SEC22C: variants seen among roughly 807,000 people sequenced by gnomAD.
SEC22C encodes the protein SEC22 homolog C, vesicle trafficking protein, also known as vesicle-trafficking protein SEC22c.
Under a neutral mutation model 34.7 loss-of-function variants are expected in SEC22C, and 29 were observed. The observed-to-expected ratio is 0.84, with a 90% CI of 0.62 to 1.14. The LOEUF is 1.14. Among genes scored for constraint, SEC22C ranks in the 50% most tolerant of loss-of-function variants. The pLI is 0.00. For missense variants in SEC22C, 337 were observed against 369.0 expected, an observed-to-expected ratio of 0.91 and a Z score of 0.71; for synonymous variants, 117 against 132.8, an observed-to-expected ratio of 0.88 and a Z score of 0.82.
At chr3:42,587,019 C>G (rs1704635387), upstream of SEC22C, among the ~76,000 whole-genome samples, 3 of 152,194 alleles carry the variant, frequency 2.0e-5, no homozygotes, top group Non-Finnish European at 4.4e-5. Flanking sequence ...CACTTGATCA[C>G]TAAGGCCTGC....
chr3:42,584,983 G>A (rs532854277), upstream of SEC22C, among the ~76,000 whole-genome samples: 1 of 152,100 alleles, frequency 6.6e-6, no homozygotes, highest in African/African-American at 2.4e-5. Context: ...ACAAAAATTA[G>A]CCGGGCGTGA....
At chr3:42,565,634 A>G in intron 2 of SEC22C, 1 of 254,542 alleles carries the variant, frequency 3.9e-6, no homozygotes, top group Non-Finnish European at 7.7e-6. Flanking sequence ...GAAGAAGACC[A>G]TGCAACCATG....
Position 42,548,502 on chromosome 3 carries a change from G to A in SEC22C, c.*4746C>T, listed in dbSNP as rs375855603. On this transcript the variant is annotated 3_prime_UTR_variant, in exon 7 of 7. Coordinates refer to ENST00000264454, the MANE Select transcript of SEC22C (RefSeq NM_032970.4). ...AGCCATTCCCAGATTTCACTGACAT[G>A]CCCTTTTCCACAGGCTCCCTGCTGA... 3.9e-5 allele frequency: 47 copies of A among 1,191,898 alleles called. No individual in the cohort carries two copies. The East Asian group carries it at 1.1e-3, about 28-fold the overall frequency. 73.8% of individuals were successfully genotyped at this position (1,191,898 alleles called of 1,614,324 possible).
chr3:42,600,178 G>C (rs948358976), intron 1 of SEC22C, among the ~76,000 whole-genome samples: 6 of 152,134 alleles, frequency 3.9e-5, no homozygotes, highest in Admixed American at 2.0e-4. Flanking sequence ...GTAAGCACAG[G>C]ACAAAAACGG....
intron 1 of SEC22C, among the ~76,000 whole-genome samples, chr3:42,577,054 G>A (rs1009860654): frequency 1.3e-5 from 2 of 151,888 alleles, no homozygotes; most frequent in African/African-American, 2.4e-5. Context: ...AAATAGTGCC[G>A]GGAGTAAAAA....
intron 1 of SEC22C, among the ~76,000 whole-genome samples, chr3:42,572,950 G>A (rs1417516764): frequency 2.0e-5 from 3 of 152,084 alleles, no homozygotes; most frequent in East Asian, 3.9e-4. Flanking sequence ...CTGCAGCCTC[G>A]ATCTCCAGGG....
At chr3:42,560,785 C>T (rs543288259) in intron 4 of SEC22C, among the ~76,000 whole-genome samples, 1 of 152,062 alleles carries the variant, frequency 6.6e-6, no homozygotes, top group African/African-American at 2.4e-5. Flanking sequence ...ACTACAGGCA[C>T]GAGCCACCAC....
At chr3:42,601,061 C>T in exon 1 of SEC22C, 2 of 1,573,214 alleles carry the variant, frequency 1.3e-6, no homozygotes, top group Admixed American at 1.8e-5. Flanking sequence ...CAACCGGGAG[C>T]CGGGTGAGCT....
intron 1 of SEC22C, chr3:42,581,364 A>T (rs1704331628): frequency 6.6e-6 from 1 of 152,216 alleles, no homozygotes; most frequent in South Asian, 2.1e-4. Context: ...ACATGTGTAA[A>T]TCTGTAATGA....
chr3:42,574,211 TAAAAG>T (rs1484026150), intron 1 of SEC22C, among the ~76,000 whole-genome samples: 1 of 151,758 alleles, frequency 6.6e-6, no homozygotes, highest in Non-Finnish European at 1.5e-5. Flanking sequence ...TTTCAAATAC[TAAAAG>T]AAAAGAACTG....
intron 1 of SEC22C, among the ~76,000 whole-genome samples, chr3:42,569,803 G>A (rs989571311): frequency 3.9e-5 from 6 of 152,114 alleles, no homozygotes; most frequent in African/African-American, 7.2e-5. Context: ...CTGAACCCTC[G>A]TGGTGCCTTG....
At chr3:42,588,497 C>CA (rs1217957994) in intron 1 of SEC22C, among the ~76,000 whole-genome samples, 2 of 152,100 alleles carry the variant, frequency 1.3e-5, no homozygotes, top group Admixed American at 6.6e-5. Context: ...AACATAAAGC[C>CA]TACAGGTAAG....
intron 1 of SEC22C, among the ~76,000 whole-genome samples, chr3:42,597,231 A>T (rs1249310446): frequency 6.6e-6 from 1 of 152,160 alleles, no homozygotes; most frequent in Non-Finnish European, 1.5e-5. Flanking sequence ...GATGGTGTGG[A>T]AGTACCAAAG....
chr3:42,578,882 G>A (rs1704134508), intron 1 of SEC22C, among the ~76,000 whole-genome samples: 1 of 152,178 alleles, frequency 6.6e-6, no homozygotes, highest in Non-Finnish European at 1.5e-5. Context: ...ACACTTTATA[G>A]TGAATAGCTC....
At position 42,548,723 on chromosome 3, in the gene SEC22C, G is replaced by A; in HGVS notation, c.*4525C>T. 2 of 1,610,356 alleles carry A rather than the reference G, an allele frequency of 1.2e-6. No individual in the cohort carries two copies. The highest frequency in any genetic ancestry group is 8.5e-7 in the Non-Finnish European group (1 of 1,177,284). Reference sequence around the variant, plus strand: ...CCCAGGGAGTGAAAGGCAGGTCCAGGGTGGGAAGAAGAGGGGCTGCTACCT... The same window carrying A: ...CCCAGGGAGTGAAAGGCAGGTCCAGAGTGGGAAGAAGAGGGGCTGCTACCT... On this transcript the variant is annotated 3_prime_UTR_variant, in exon 7 of 7. Transcript: ENST00000264454.
In SEC22C at chr3:42,587,809, C is replaced by T. The variant is rs59659186; in HGVS notation, c.-28+13151G>A. On this transcript the variant is annotated intron_variant, in intron 1 of 6. Transcript: ENST00000417572. The stretch of plus-strand genomic sequence containing the variant: ...GCTTTAGGCCAGGCTCTGTGGCTCA[C>T]ACCTGTAATCTTAGCATTTTGGGAG... 2.9e-3 allele frequency among the ~76,000 whole-genome samples: 438 copies of T among 152,070 alleles called. 1 individual carries two copies. Among genetic ancestry groups the T allele is most frequent in the African/African-American group, 0.01 (415 of 41,460 alleles).
intron 3 of SEC22C, among the ~76,000 whole-genome samples, chr3:42,561,887 C>T (rs567143258): frequency 2.0e-5 from 3 of 151,980 alleles, no homozygotes; most frequent in South Asian, 2.1e-4. Context: ...AAGGGGCATG[C>T]GTCTTAGCCC....
At chr3:42,596,211 G>A (rs1392792281) in intron 1 of SEC22C, among the ~76,000 whole-genome samples, 6 of 151,930 alleles carry the variant, frequency 3.9e-5, no homozygotes, top group Non-Finnish European at 8.8e-5. Context: ...TAGTAGAGAC[G>A]GGGTTTCTCC....
intron 1 of SEC22C, among the ~76,000 whole-genome samples, chr3:42,578,472 T>G (rs1268645563): frequency 6.6e-6 from 1 of 151,968 alleles, no homozygotes; most frequent in Non-Finnish European, 1.5e-5. Flanking sequence ...CATCTGGTGA[T>G]GGAATAATTC....
Sources: gnomAD v4.1 joint callset for allele counts (sites outside exome capture counted in the v4.1 genomes callset) on GRCh38, gnomAD v4.1.1 for gene constraint, MANE v1.5 for transcripts, NCBI Gene and HGNC (gene_info 2026-07-23, HGNC 2026-07-21) for gene names.